IGF2BP3: variants seen among roughly 807,000 people sequenced by gnomAD.
The protein encoded by IGF2BP3 is insulin-like growth factor 2 mRNA-binding protein 3.
IGF2BP3 carries 9 observed loss-of-function variants against 73.8 expected under a neutral mutation model. The ratio of observed to expected loss-of-function variants is 0.12; its 90% CI spans 0.07 to 0.21. The LOEUF (loss-of-function observed/expected upper bound fraction) is 0.21, where lower values mean the gene tolerates loss of function less well. Among genes scored for constraint, IGF2BP3 ranks in the 10% least tolerant of loss-of-function variants. The pLI is 1.00. For synonymous variants in IGF2BP3, 258 were observed against 256.7 expected (o/e 1.01, Z -0.05); for missense variants, 542 against 714.0 (o/e 0.76, Z 2.75).
intron 2 of IGF2BP3, among the ~76,000 whole-genome samples, chr7:23,439,558 A>AG (rs1292382170): frequency 6.8e-6 from 1 of 147,240 alleles, no homozygotes; most frequent in Non-Finnish European, 1.5e-5. Flanking sequence ...CCGTCTCAAA[A>AG]AAAAAAAAAA....
At chr7:23,317,588 T>C in intron 12 of IGF2BP3, 51 bp downstream of exon 12, 5 of 1,363,294 alleles carry the variant, frequency 3.7e-6, no homozygotes, top group Non-Finnish European at 4.2e-6. Context: ...GGTTATGGAC[T>C]ACCTGTGCAT....
intron 12 of IGF2BP3, among the ~76,000 whole-genome samples, chr7:23,313,927 C>G (rs997568105): frequency 1.3e-5 from 2 of 152,162 alleles, no homozygotes; most frequent in African/African-American, 4.8e-5. Context: ...AATTAATAAC[C>G]TAATAAAAAC....
chr7:23,405,595 C>T (rs563248971), intron 3 of IGF2BP3, among the ~76,000 whole-genome samples: 2 of 152,264 alleles, frequency 1.3e-5, no homozygotes, highest in East Asian at 3.9e-4. Flanking sequence ...CTGAGCCCCG[C>T]CTCCTGTCAG....
chr7:23,348,091 G>A (rs903692617), intron 6 of IGF2BP3, among the ~76,000 whole-genome samples: 1 of 152,198 alleles, frequency 6.6e-6, no homozygotes, highest in African/African-American at 2.4e-5. Context: ...GGCATGCCAA[G>A]AGAGGAGTTG....
intron 3 of IGF2BP3, chr7:23,396,516 GA>G (rs796979625): frequency 1.6e-3 from 258 of 159,740 alleles, no homozygotes; most frequent in African/African-American, 3.7e-3. Flanking sequence ...GTTTTCTGAA[GA>G]AAAAAAAAAT....
chr7:23,431,227 G>A (rs1480721163), intron 2 of IGF2BP3: 1 of 152,144 alleles, frequency 6.6e-6, no homozygotes, highest in Non-Finnish European at 1.5e-5. Flanking sequence ...TAGCTTTTGT[G>A]TTTTATAAAA....
At position 23,388,840 on chromosome 7, in the gene IGF2BP3, TAAATGTTCATAGCAC is replaced by T. The variant is rs1400206534; in HGVS notation, c.286-27114_286-27100del. On this transcript the variant is annotated intron_variant, in intron 3 of 14. Transcript: ENST00000258729. ...AAACATCCACATAGAGACCTACACA[TAAATGTTCATAGCAC>T]CTTTACCTGTAGTAGTTAAAAACTG... is the stretch of plus-strand genomic sequence containing the variant. Among the ~76,000 whole-genome samples the T allele has an allele frequency of 2.6e-5, 4 of 152,244 alleles. No homozygotes were observed. The East Asian group carries it at 5.8e-4, about 22-fold the overall frequency.
chr7:23,352,329 C>T (rs908667837), intron 5 of IGF2BP3, among the ~76,000 whole-genome samples: 10 of 136,960 alleles, frequency 7.3e-5, no homozygotes, highest in African/African-American at 2.5e-4. Context: ...TGCTCTGTTA[C>T]CCAGGCTGGA....
intron 10 of IGF2BP3, among the ~76,000 whole-genome samples, chr7:23,325,779 C>G (rs1032772353): frequency 2.0e-5 from 3 of 152,176 alleles, no homozygotes; most frequent in Non-Finnish European, 4.4e-5. Flanking sequence ...CACCGCGTAT[C>G]TACAACTATC....
intron 2 of IGF2BP3, among the ~76,000 whole-genome samples, chr7:23,425,836 T>C (rs759458612): frequency 4.6e-5 from 7 of 152,012 alleles, no homozygotes; most frequent in Admixed American, 4.6e-4. Context: ...TAGTGGTGCA[T>C]GCTTGTAGTC....
chr7:23,372,705 G>A (rs1020991375), intron 3 of IGF2BP3, among the ~76,000 whole-genome samples: 8 of 152,180 alleles, frequency 5.3e-5, no homozygotes, highest in African/African-American at 1.4e-4. Context: ...CCTGAAGGCC[G>A]TGTTCCACTC....
intron 3 of IGF2BP3, among the ~76,000 whole-genome samples, chr7:23,368,990 TA>T (rs907235110): frequency 3.3e-5 from 5 of 152,126 alleles, no homozygotes; most frequent in African/African-American, 9.7e-5. Context: ...ATAAAGCTGT[TA>T]AAAAAATACT....
At chr7:23,439,148 C>A (rs1180967975) in intron 2 of IGF2BP3, among the ~76,000 whole-genome samples, 1 of 152,018 alleles carries the variant, frequency 6.6e-6, no homozygotes, top group African/African-American at 2.4e-5. Context: ...AAGGCTGAGG[C>A]AAAAGAATCC....
intron 2 of IGF2BP3, among the ~76,000 whole-genome samples, chr7:23,450,392 A>T (rs1172530720): frequency 6.6e-6 from 1 of 152,240 alleles, no homozygotes; most frequent in Non-Finnish European, 1.5e-5. Flanking sequence ...AAAAAGGAAT[A>T]AAATGAGTCT....
intron 3 of IGF2BP3, among the ~76,000 whole-genome samples, chr7:23,396,823 G>T (rs1051206559): frequency 1.3e-5 from 2 of 152,204 alleles, no homozygotes; most frequent in African/African-American, 4.8e-5. Flanking sequence ...CACAGCATGT[G>T]AATTTCAGCC....
intron 3 of IGF2BP3, chr7:23,414,968 G>C (rs200274990): frequency 5.6e-6 from 1 of 179,944 alleles, no homozygotes; most frequent in African/African-American, 2.4e-5. Context: ...GTCCCCATCC[G>C]TCAGTCAGCA....
intron 12 of IGF2BP3, among the ~76,000 whole-genome samples, chr7:23,316,640 A>G (rs1015280130): frequency 2.1e-5 from 3 of 145,760 alleles, no homozygotes; most frequent in Non-Finnish European, 3.0e-5. Flanking sequence ...ACGCCACTGC[A>G]GTCCAGCCTG....
chr7:23,443,561 G>T (rs1472463525), intron 2 of IGF2BP3, among the ~76,000 whole-genome samples: 3 of 152,050 alleles, frequency 2.0e-5, no homozygotes. Context: ...AGCTACTTGG[G>T]ATGGGAGGCT....
At chr7:23,362,250 A>G (rs1430819573) in intron 3 of IGF2BP3, among the ~76,000 whole-genome samples, 1 of 151,874 alleles carries the variant, frequency 6.6e-6, no homozygotes, top group Non-Finnish European at 1.5e-5. Flanking sequence ...CCCATCTCTA[A>G]AAAATAAAGT....
Sources: allele counts gnomAD v4.1 joint callset (sites outside exome capture counted in the v4.1 genomes callset), GRCh38; gene constraint gnomAD v4.1.1; transcripts MANE v1.5; gene names NCBI Gene and HGNC (gene_info 2026-07-23, HGNC 2026-07-21).